PDS5B: variants seen among roughly 807,000 people sequenced by gnomAD.
The protein encoded by PDS5B is PDS5 cohesin associated factor B.
In PDS5B, 51 loss-of-function variants were observed where a neutral mutation model predicts 184.1. The ratio of observed to expected loss-of-function variants is 0.28; its 90% confidence interval spans 0.22 to 0.35. The LOEUF is 0.35. Ranked by LOEUF, PDS5B falls within the 10% of genes least tolerant of loss-of-function variation. PDS5B has a pLI of 1.00. For synonymous variants in PDS5B, 566 were observed against 569.2 expected, an observed-to-expected ratio of 0.99 and a Z score of 0.08; for missense variants, 1,180 against 1,723.3, an observed-to-expected ratio of 0.68 and a Z score of 5.58.
chr13:32,756,086 T>A (rs908207678), intron 26 of PDS5B, 130 bp downstream of exon 26: 10 of 520,514 alleles, frequency 1.9e-5, no homozygotes, highest in Non-Finnish European at 3.1e-5. Context: ...GGTTCTTTAT[T>A]TGCTCTCTTG....
chr13:32,604,594 A>C (rs574625206), intron 1 of PDS5B, among the ~76,000 whole-genome samples: 22 of 152,310 alleles, frequency 1.4e-4, no homozygotes, highest in African/African-American at 5.1e-4. Context: ...TCATAAAATG[A>C]GTTAGGGAGG....
At chr13:32,734,344 A>G (rs1224342721) in intron 20 of PDS5B, among the ~76,000 whole-genome samples, 2 of 152,118 alleles carry the variant, frequency 1.3e-5, no homozygotes, top group African/African-American at 4.8e-5. Context: ...TTAACAATAT[A>G]TTTCTGATAT....
In PDS5B at chr13:32,675,951, C is replaced by T; in HGVS notation, c.954C>T (p.Tyr318=). 6.2e-7 allele frequency: 1 copy of T among 1,604,982 alleles called. No individual in the cohort carries two copies. Among genetic ancestry groups the T allele is most frequent in the South Asian group, 1.1e-5 (1 of 90,864 alleles). The part of the protein sequence containing the change: ...ASQNKPLWQC[Y]LGRFNDIHVP... The stretch of plus-strand genomic sequence containing the variant: ...AAAACAAGCCACTTTGGCAGTGCTA[C>T]TTGGGCAGGTATATGATTTTGGTTT... The change falls in exon 9 of 35, where the codon TAC becomes TAT. Residue 318 remains tyrosine (Y), a synonymous_variant. Transcript: ENST00000315596.
Position 32,721,259 on chromosome 13 carries a change from C to T in PDS5B, c.2124-10842C>T, listed in dbSNP as rs549590737. On this transcript the variant is annotated intron_variant, in intron 19 of 34. Coordinates refer to ENST00000315596, the MANE Select transcript of PDS5B (RefSeq NM_015032.4). ...CCCACCTCCCAGACGGGGTGGCTGCCGGGCGGGGGCGCCCCCCACCTCCCA... is the reference window on the plus strand; with the variant it reads ...CCCACCTCCCAGACGGGGTGGCTGCTGGGCGGGGGCGCCCCCCACCTCCCA... 8.0e-5 allele frequency among the ~76,000 whole-genome samples: 12 copies of T among 149,934 alleles called. 1 individual carries two copies. In the South Asian group the frequency reaches 1.3e-3, roughly 16 times the overall value.
At chr13:32,610,029 A>G (rs180694738) in intron 1 of PDS5B, among the ~76,000 whole-genome samples, 82 of 152,338 alleles carry the variant, frequency 5.4e-4, no homozygotes, top group Non-Finnish European at 8.4e-4. Flanking sequence ...GCAGTAGGAA[A>G]AGATTAACTA....
chr13:32,716,006 C>T (rs1222856156), intron 19 of PDS5B, among the ~76,000 whole-genome samples: 1 of 151,996 alleles, frequency 6.6e-6, no homozygotes, highest in African/African-American at 2.4e-5. Context: ...TCTTGGCTCG[C>T]TACAACCTCC....
chr13:32,750,611 G>A (rs1244982523), intron 24 of PDS5B, among the ~76,000 whole-genome samples: 4 of 150,348 alleles, frequency 2.7e-5, no homozygotes, highest in Non-Finnish European at 5.9e-5. Flanking sequence ...GTGTGATCTC[G>A]GCTCACTGTA....
At chr13:32,671,342 C>A (rs956978598) in intron 7 of PDS5B, among the ~76,000 whole-genome samples, 2 of 152,018 alleles carry the variant, frequency 1.3e-5, no homozygotes, top group African/African-American at 4.8e-5. Flanking sequence ...ATAAGTTTTT[C>A]CCAGACTGTT....
chr13:32,597,143 C>A (rs1368933049), intron 1 of PDS5B, among the ~76,000 whole-genome samples: 1 of 152,018 alleles, frequency 6.6e-6, no homozygotes, highest in African/African-American at 2.4e-5. Flanking sequence ...AAGCCACCCT[C>A]CTATCTCAGC....
chr13:32,736,288 T>C (rs944310957), intron 21 of PDS5B, among the ~76,000 whole-genome samples: 1 of 152,144 alleles, frequency 6.6e-6, no homozygotes, highest in African/African-American at 2.4e-5. Flanking sequence ...AGAACTACTT[T>C]AGTACTTTTT....
At chr13:32,607,114 TC>T (rs753179858) in intron 1 of PDS5B, among the ~76,000 whole-genome samples, 4 of 152,372 alleles carry the variant, frequency 2.6e-5, no homozygotes, top group Non-Finnish European at 5.9e-5. Context: ...AGAGCTGTGT[TC>T]CTTTGGAGGA....
intron 1 of PDS5B, among the ~76,000 whole-genome samples, chr13:32,592,991 A>T (rs1363957458): frequency 6.6e-6 from 1 of 152,166 alleles, no homozygotes; most frequent in Non-Finnish European, 1.5e-5. Context: ...ACCATAATCC[A>T]TTGAAAATAC....
rs1051345058 is a variant in PDS5B, at chr13:32,651,875, T to A, written c.180T>A (p.Ala60=). ...EEEKELYLNL[A]LHLASDFFLK... is the part of the protein sequence containing the mutation. ...AAAAGGAGCTTTATTTAAACCTAGC[T>A]TTACATCTTGCTTCAGATTTTTTTC... The change falls in exon 3 of 35, where the codon GCT becomes GCA. Residue 60 remains alanine (A), a synonymous_variant. Coordinates refer to ENST00000315596, the MANE Select transcript of PDS5B (RefSeq NM_015032.4). The A allele has an allele frequency of 1.2e-6, 2 of 1,613,354 alleles. No homozygotes were observed. The highest frequency in any genetic ancestry group is 2.7e-5 in the African/African-American group (2 of 74,914).
chr13:32,761,928 A>G (rs757201867), intron 30 of PDS5B, among the ~76,000 whole-genome samples: 8 of 152,156 alleles, frequency 5.3e-5, no homozygotes, highest in Non-Finnish European at 1.2e-4. Flanking sequence ...CACCAACAAC[A>G]TATAAGCGTT....
At chr13:32,755,328 C>T (rs1044713249) in intron 25 of PDS5B, among the ~76,000 whole-genome samples, 2 of 151,886 alleles carry the variant, frequency 1.3e-5, no homozygotes, top group African/African-American at 2.4e-5. Flanking sequence ...TTTAAAATGC[C>T]CTAGAAACTC....
chr13:32,768,753 A>G (rs1217977907), intron 31 of PDS5B, among the ~76,000 whole-genome samples: 2 of 146,292 alleles, frequency 1.4e-5, no homozygotes, highest in Non-Finnish European at 3.0e-5. Flanking sequence ...AGATTGACCC[A>G]CTGCACTCCA....
chr13:32,676,932 C>CAAAAAAAAAAAAA lies in PDS5B; in HGVS notation c.962+985_962+997dup, dbSNP rs4057303. Reference sequence around the variant, plus strand: ...GGCGACAGAGCGAGACTCTTGTCTCCAAAAAAAAAAAAAAAAAAAAAAAAG... The same window carrying CAAAAAAAAAAAAA: ...GGCGACAGAGCGAGACTCTTGTCTCCAAAAAAAAAAAAAAAAAAAAAAAAAAAAAAAAAAAAAG... On this transcript the variant is annotated intron_variant, in intron 9 of 34. Coordinates refer to ENST00000315596, the MANE Select transcript of PDS5B (RefSeq NM_015032.4). Among the ~76,000 whole-genome samples, 82 of 78,822 alleles carry CAAAAAAAAAAAAA rather than the reference C, an allele frequency of 1.0e-3. 1 individual carries two copies. The highest frequency in any genetic ancestry group is 3.9e-3 in the African/African-American group (76 of 19,714). 51.7% of individuals were successfully genotyped at this position (78,822 alleles called of 152,430 possible). A position where few individuals can be genotyped will look rare whatever the true frequency, so the allele number is the denominator to read the frequency against.
intron 21 of PDS5B, among the ~76,000 whole-genome samples, chr13:32,740,804 T>C (rs1302863281): frequency 1.3e-5 from 2 of 151,642 alleles, no homozygotes; most frequent in South Asian, 2.1e-4. Flanking sequence ...AATAAGGGAG[T>C]GATGTGTAAG....
At chr13:32,600,953 A>G (rs1049327702) in intron 1 of PDS5B, among the ~76,000 whole-genome samples, 7 of 152,122 alleles carry the variant, frequency 4.6e-5, no homozygotes, top group African/African-American at 1.7e-4. Context: ...ATATTTTTAT[A>G]TTTTTGAGGC....
Sources: allele counts gnomAD v4.1 joint callset (sites outside exome capture counted in the v4.1 genomes callset), GRCh38; gene constraint gnomAD v4.1.1; transcripts MANE v1.5; gene names NCBI Gene and HGNC (gene_info 2026-07-23, HGNC 2026-07-21).